ABCA3: variants seen among roughly 807,000 people sequenced by gnomAD.
The protein encoded by ABCA3 is phospholipid-transporting ATPase ABCA3.
A neutral mutation model predicts 172.8 loss-of-function variants in ABCA3; 88 were observed. The observed-to-expected ratio is 0.51, with a 90% confidence interval of 0.43 to 0.61. The LOEUF is 0.61. Among genes scored for constraint, ABCA3 ranks in the 20% least tolerant of loss-of-function variants. The pLI is 0.00. For synonymous variants in ABCA3, 1,066 were observed against 983.8 expected (o/e 1.08, Z -1.56); for missense variants, 2,164 against 2,301.0 (o/e 0.94, Z 1.22).
chr16:2,287,706 C>G lies in ABCA3; in HGVS notation c.3004+320G>C, dbSNP rs1218164772. Among the ~76,000 whole-genome samples the G allele has an allele frequency of 6.6e-6, 1 of 152,230 alleles. No individual in the cohort carries two copies. The highest frequency in any genetic ancestry group is 1.5e-5 in the Non-Finnish European group (1 of 68,036). On this transcript the variant is annotated intron_variant, in intron 21 of 32. Transcript: ENST00000301732. This position sits in a 1 kb window ranked among gnomAD's most constrained non-coding sequence, Gnocchi z 4.1. ...TTCTGCATTTTGCCCATGAATGATC[C>G]TGAAAGACACAGCTTCAGTAAAAAG...
chr16:2,304,433 G>A (rs2093694291), intron 11 of ABCA3, among the ~76,000 whole-genome samples: 1 of 151,108 alleles, frequency 6.6e-6, no homozygotes, highest in Non-Finnish European at 1.5e-5. Context: ...ATGTACACAC[G>A]TACATATGCA....
In ABCA3 at chr16:2,295,614, A is replaced by G; in HGVS notation, c.2390T>C (p.Ile797Thr). The change falls in exon 18 of 33, where the codon ATC becomes ACC. Residue 797 changes from isoleucine to threonine, a missense_variant. Transcript: ENST00000301732. ...CCTGTGCGTGCTCTCTCTGGGAAGG[A>G]TGAAAGACAGCTCGGCCCCAGCGCT... ...ESSAGAELSF[I>T]LPRESTHRFE... 6.2e-7 allele frequency: 1 copy of G among 1,613,826 alleles called. No individual in the cohort carries two copies. Among genetic ancestry groups the G allele is most frequent in the Non-Finnish European group, 8.5e-7 (1 of 1,180,044 alleles).
chr16:2,304,233 G>A (rs2093694027), intron 11 of ABCA3, 83 bp from the exon 12 acceptor site: 7 of 1,488,992 alleles, frequency 4.7e-6, no homozygotes, highest in South Asian at 1.1e-5. Context: ...GCACACGTGT[G>A]CACATTTGAC....
At chr16:2,319,890 G>A (rs375365944) in intron 7 of ABCA3, 50 bp from the exon 8 acceptor site, 152 of 1,608,696 alleles carry the variant, frequency 9.4e-5, no homozygotes, top group Admixed American at 6.3e-4. Context: ...AGCTGCTCTC[G>A]AGGGCAGAGG....
At position 2,285,250 on chromosome 16, in the gene ABCA3, A is replaced by G. The variant is rs1417503413; in HGVS notation, c.3483+192T>C. On this transcript the variant is annotated intron_variant, in intron 23 of 32. Transcript: ENST00000301732. This position sits in a 1 kb window ranked among gnomAD's most constrained non-coding sequence, Gnocchi z 4.7. ...TGGCTGCTCCGGGTGCTGCCCATGC[A>G]TGGAGGGTAAAGGCTGAGGGTGCAG... Among the ~76,000 whole-genome samples the G allele has an allele frequency of 6.6e-6, 1 of 152,116 alleles. No individual in the cohort carries two copies. The highest frequency in any genetic ancestry group is 1.5e-5 in the Non-Finnish European group (1 of 67,990).
chr16:2,307,309 A>G (rs2093699406), intron 11 of ABCA3, among the ~76,000 whole-genome samples: 1 of 151,962 alleles, frequency 6.6e-6, no homozygotes, highest in Non-Finnish European at 1.5e-5. Context: ...TAATCCTAGC[A>G]CTTTCGGAGG....
chr16:2,317,235 G>T, intron 10 of ABCA3, 48 bp downstream of exon 10: 1 of 1,611,562 alleles, frequency 6.2e-7, no homozygotes. Context: ...CATGCAGATG[G>T]CCCTTGGCCC....
rs41348947 is a variant in ABCA3, at chr16:2,325,030, A to G, written c.320-499T>C. 9.2e-3 allele frequency among the ~76,000 whole-genome samples: 1,395 copies of G among 152,304 alleles called. 25 individuals carry two copies. The highest frequency in any genetic ancestry group is 0.032 in the African/African-American group (1,325 of 41,556). On this transcript the variant is annotated intron_variant, in intron 5 of 32. Coordinates refer to ENST00000301732, the MANE Select transcript of ABCA3 (RefSeq NM_001089.3). The stretch of plus-strand genomic sequence containing the variant: ...GCACTTCCTCTGAGTATTTGCTACA[A>G]GGAATTAAAGCCCGGGAGGTAAATG...
At position 2,288,335 on chromosome 16, in the gene ABCA3, G is replaced by A. The variant is rs1320273873; in HGVS notation, c.2701-6C>T. On this transcript the variant is annotated splice_region_variant and splice_polypyrimidine_tract_variant and intron_variant, in intron 20 of 32. Transcript: ENST00000301732. ...TGCTGGCAGTGCAGGGCGAGCTGCGGCAGAGGGGACGCAGGTGACACCGGC... is the reference window on the plus strand; with the variant it reads ...TGCTGGCAGTGCAGGGCGAGCTGCGACAGAGGGGACGCAGGTGACACCGGC... 1 of 1,546,780 alleles carries A rather than the reference G, an allele frequency of 6.5e-7. No homozygotes were observed. The highest frequency in any genetic ancestry group is 8.7e-7 in the Non-Finnish European group (1 of 1,150,492).
intron 1 of ABCA3, among the ~76,000 whole-genome samples, chr16:2,338,619 T>A (rs1442574086): frequency 6.6e-6 from 1 of 152,208 alleles, no homozygotes; most frequent in Non-Finnish European, 1.5e-5. Flanking sequence ...TCTGGTCACC[T>A]GTTGCACCTT....
Position 2,297,253 on chromosome 16 carries a change from T to A in ABCA3, c.2263+76A>T. On this transcript the variant is annotated intron_variant, in intron 17 of 32. Transcript: ENST00000301732. This position sits in a 1 kb window ranked among gnomAD's most constrained non-coding sequence, Gnocchi z 5.6. ...CACCCCTGCCTGATCTGAGGGCCCT[T>A]CATGAAGGTAGCAGCCATTCCCTCA... The A allele has an allele frequency of 6.5e-7, 1 of 1,533,334 alleles. No individual in the cohort carries two copies. The highest frequency in any genetic ancestry group is 8.9e-7 in the Non-Finnish European group (1 of 1,124,706). The allele number at this position is 1,533,334 out of a possible 1,614,324, so 95.0% of individuals were successfully genotyped here. A position where few individuals can be genotyped will look rare whatever the true frequency, so the allele number is the denominator to read the frequency against.
Position 2,287,899 on chromosome 16 carries a change from C to T in ABCA3, c.3004+127G>A. The stretch of plus-strand genomic sequence containing the variant: ...AGGTCAGGGATGCTGCTGAACCTCC[C>T]TCAGTACATTCGGAACAGCCAAGAA... On this transcript the variant is annotated intron_variant, in intron 21 of 32. Transcript: ENST00000301732. This position sits in a 1 kb window ranked among gnomAD's most constrained non-coding sequence, Gnocchi z 4.1. 8.3e-7 allele frequency: 1 copy of T among 1,210,070 alleles called. No individual in the cohort carries two copies. The allele number at this position is 1,210,070 out of a possible 1,614,324, so 75.0% of individuals were successfully genotyped here. A position where few individuals can be genotyped will look rare whatever the true frequency, so the allele number is the denominator to read the frequency against.
At chr16:2,308,251 A>C (rs1346178352) in intron 11 of ABCA3, among the ~76,000 whole-genome samples, 199 bp downstream of exon 11, 2 of 152,142 alleles carry the variant, frequency 1.3e-5, no homozygotes, top group Non-Finnish European at 2.9e-5. Flanking sequence ...TGTGCCGTGG[A>C]GCTGGGCTTC....
chr16:2,326,313 G>A, intron 4 of ABCA3, 39 bp from the exon 5 acceptor site: 1 of 1,611,460 alleles, frequency 6.2e-7, no homozygotes. Context: ...TGGGCTGCAA[G>A]GCAGAAGCAG....
At chr16:2,323,885 G>A (rs1051962589) in intron 6 of ABCA3, among the ~76,000 whole-genome samples, 197 bp from the exon 7 acceptor site, 1 of 152,048 alleles carries the variant, frequency 6.6e-6, no homozygotes, top group African/African-American at 2.4e-5. Flanking sequence ...GCCACACAGG[G>A]GCCCCTTTTG....
chr16:2,325,244 G>A lies in ABCA3; in HGVS notation c.320-713C>T, dbSNP rs371623533. 1.4e-3 allele frequency among the ~76,000 whole-genome samples: 218 copies of A among 152,294 alleles called. 2 individuals carry two copies. The highest frequency in any genetic ancestry group is 4.3e-3 in the African/African-American group (179 of 41,560). On this transcript the variant is annotated intron_variant, in intron 5 of 32. Coordinates refer to ENST00000301732, the MANE Select transcript of ABCA3 (RefSeq NM_001089.3). ...CACGGTCAAACTGTGCCCTGCCCTT[G>A]TCACAGAAGGGCTTTCCCTGGCTCA...
At chr16:2,316,452 C>T (rs1713517808) in intron 10 of ABCA3, among the ~76,000 whole-genome samples, 1 of 126,780 alleles carries the variant, frequency 7.9e-6, no homozygotes, top group Non-Finnish European at 1.6e-5. Flanking sequence ...CAAGACCAGC[C>T]TGGACAACAT....
At chr16:2,300,281 C>G in intron 12 of ABCA3, 133 bp from the exon 13 acceptor site, 1 of 1,314,160 alleles carries the variant, frequency 7.6e-7, no homozygotes, top group South Asian at 1.2e-5. Context: ...GGAGAAGGCG[C>G]TACTCAGGGA....
intron 1 of ABCA3, among the ~76,000 whole-genome samples, chr16:2,336,546 TCCG>T (rs1402903989): frequency 2.0e-5 from 3 of 150,388 alleles, no homozygotes; most frequent in African/African-American, 7.3e-5. Context: ...TTCTCCTGCC[TCCG>T]CCTCCTGAGT....
Sources: gnomAD v4.1 joint callset for allele counts (sites outside exome capture counted in the v4.1 genomes callset) on GRCh38, gnomAD v4.1.1 for gene constraint, Gnocchi (gnomAD v3.1) non-coding constraint, MANE v1.5 for transcripts, NCBI Gene and HGNC (gene_info 2026-07-23, HGNC 2026-07-21) for gene names.